ANKRD27: variants seen among roughly 807,000 people sequenced by gnomAD.
The protein encoded by ANKRD27 is ankyrin repeat domain 27, also known as ankyrin repeat domain-containing protein 27.
A neutral mutation model predicts 129.7 loss-of-function variants in ANKRD27; 112 were observed. The ratio of observed to expected loss-of-function variants is 0.86; its 90% CI spans 0.74 to 1.01. ANKRD27 has a LOEUF of 1.01. ANKRD27 is among the 50% of genes least tolerant of loss of function. ANKRD27 has a pLI of 0.00. For synonymous variants in ANKRD27, 516 were observed against 511.2 expected, an observed-to-expected ratio of 1.01 and a Z score of -0.13; for missense variants, 1,258 against 1,300.5, an observed-to-expected ratio of 0.97 and a Z score of 0.50.
At chr19:32,600,874 T>C (rs1219587588) in intron 26 of ANKRD27, among the ~76,000 whole-genome samples, 1 of 152,022 alleles carries the variant, frequency 6.6e-6, no homozygotes, top group African/African-American at 2.4e-5. Context: ...TTTCATATTG[T>C]AAATTAAAAA....
At chr19:32,653,859 G>A (rs1967469072) in intron 2 of ANKRD27, among the ~76,000 whole-genome samples, 1 of 152,196 alleles carries the variant, frequency 6.6e-6, no homozygotes, top group Non-Finnish European at 1.5e-5. Flanking sequence ...GCAGGGAGAA[G>A]CGTGGTGCGG....
intron 2 of ANKRD27, among the ~76,000 whole-genome samples, chr19:32,656,657 T>C (rs1967543242): frequency 6.6e-6 from 1 of 151,746 alleles, no homozygotes; most frequent in South Asian, 2.1e-4. Context: ...TGGTGGCACA[T>C]GCTTGTAGTC....
rs61741421 is a variant in ANKRD27 at position 32,644,351 on chromosome 19, C to G, written c.499G>C (p.Glu167Gln). The G allele has an allele frequency of 1.8e-3, 2,855 of 1,613,476 alleles. 39 individuals are homozygous for G. In the African/African-American group the frequency reaches 0.031, roughly 18 times the overall value. The change falls in exon 5 of 29, where the codon GAG becomes CAG. Residue 167 changes from glutamate (E) to glutamine (Q), a missense_variant. Transcript: ENST00000306065. ...ATGTGGTGACGGAGGCTCTTTCTCT[C>G]GCATTCTCGGAATGTTCGATGGAAA... ...ASFHRTFREC[E>Q]RKSLRHHIDS...
Position 32,665,010 on chromosome 19 carries a change from A to G in ANKRD27, c.-30-5965T>C, listed in dbSNP as rs1030518775. 7.9e-5 allele frequency among the ~76,000 whole-genome samples: 12 copies of G among 151,022 alleles called. 1 individual carries two copies. The highest frequency in any genetic ancestry group is 1.6e-4 in the Non-Finnish European group (11 of 67,920). On this transcript the variant is annotated intron_variant, in intron 1 of 28. Transcript: ENST00000306065. The stretch of plus-strand genomic sequence containing the variant: ...AAAATCTAGTGTTCATTTTACATTT[A>G]CAGCACTTCTCGATTCATACTAGCC...
At chr19:32,618,875 C>T (rs1971962951) in intron 20 of ANKRD27, among the ~76,000 whole-genome samples, 1 of 152,166 alleles carries the variant, frequency 6.6e-6, no homozygotes, top group Non-Finnish European at 1.5e-5. Flanking sequence ...TGCACCACTG[C>T]ACTCCAGCCT....
At chr19:32,605,757 C>A (rs746412640) in intron 24 of ANKRD27, 78 bp downstream of exon 24, 18 of 1,562,790 alleles carry the variant, frequency 1.2e-5, no homozygotes, top group Non-Finnish European at 1.3e-5. Flanking sequence ...ATCCCCAGTG[C>A]GCTGCGGGGG....
At chr19:32,654,583 C>A (rs1967483897) in intron 2 of ANKRD27, among the ~76,000 whole-genome samples, 1 of 152,216 alleles carries the variant, frequency 6.6e-6, no homozygotes, top group Non-Finnish European at 1.5e-5. Flanking sequence ...CATGGGCCAG[C>A]AAACCTGACC....
chr19:32,615,546 T>C (rs1971902810), intron 22 of ANKRD27, 112 bp downstream of exon 22: 2 of 1,566,918 alleles, frequency 1.3e-6, no homozygotes, highest in Non-Finnish European at 1.8e-6. Flanking sequence ...ACTGTACCAC[T>C]GCACTCCGGC....
rs1450215846 is a variant in ANKRD27, at chr19:32,642,155, A to C, written c.783-10T>G. 6.3e-7 allele frequency: 1 copy of C among 1,576,572 alleles called. No individual in the cohort carries two copies. On this transcript the variant is annotated splice_polypyrimidine_tract_variant and intron_variant, in intron 9 of 28. Transcript: ENST00000306065. ...ACGAGGTATGTTAAAGCTGTAAAATAATTTGGAAAGTGACAACTTCAGAGC... is the reference window on the plus strand; with the variant it reads ...ACGAGGTATGTTAAAGCTGTAAAATCATTTGGAAAGTGACAACTTCAGAGC...
At chr19:32,655,280 G>C (rs1281491590) in intron 2 of ANKRD27, 1 of 152,734 alleles carries the variant, frequency 6.5e-6, no homozygotes, top group Non-Finnish European at 1.5e-5. Context: ...GAGTAGCTGG[G>C]ACTACAGGCC....
chr19:32,619,231 C>T (rs1163607383), intron 20 of ANKRD27, 29 bp downstream of exon 20: 9 of 1,600,520 alleles, frequency 5.6e-6, no homozygotes, highest in Non-Finnish European at 7.7e-6. Flanking sequence ...AAGGCCTCCC[C>T]TCCCCAGCCC....
chr19:32,608,377 C>T, intron 22 of ANKRD27: 1 of 324,386 alleles, frequency 3.1e-6, no homozygotes, highest in South Asian at 2.5e-5. Context: ...GGCATGGCCA[C>T]AGCCCCGCAA....
chr19:32,604,144 C>T, intron 25 of ANKRD27, 119 bp downstream of exon 25: 3 of 1,218,654 alleles, frequency 2.5e-6, no homozygotes, highest in Non-Finnish European at 3.3e-6. Context: ...CCAACTACGC[C>T]CAGCCCGGCG....
At chr19:32,644,507 G>A (rs768350945) in intron 4 of ANKRD27, 28 bp from the exon 5 acceptor site, 52 of 1,606,382 alleles carry the variant, frequency 3.2e-5, no homozygotes, top group East Asian at 1.1e-4. Flanking sequence ...AGGTCAGGCC[G>A]GCTGAAGCCT....
intron 3 of ANKRD27, 124 bp from the exon 4 acceptor site, chr19:32,646,739 G>A (rs1486821201): frequency 1.1e-6 from 1 of 946,284 alleles, no homozygotes; most frequent in Non-Finnish European, 1.6e-6. Context: ...GTTTGCTGGG[G>A]CACAAATACT....
rs796582224 is a variant in ANKRD27, at chr19:32,614,949, G to C, written c.2175+709C>G. Among the ~76,000 whole-genome samples, 20 of 152,302 alleles carry C rather than the reference G, an allele frequency of 1.3e-4. 1 individual carries two copies. Among genetic ancestry groups the C allele is most frequent in the African/African-American group, 4.8e-4 (20 of 41,578 alleles). On this transcript the variant is annotated intron_variant, in intron 22 of 28. Transcript: ENST00000306065. ...CCTGGGGAAAGCTGGGAGAGGGTTT[G>C]GGGATTTCTCTGCACTTGGAGGGAG...
At chr19:32,600,078 A>G (rs1238044022) in intron 26 of ANKRD27, 28 bp from the exon 27 acceptor site, 1 of 1,454,420 alleles carries the variant, frequency 6.9e-7, no homozygotes, top group Non-Finnish European at 9.6e-7. Context: ...AACATCTAAA[A>G]ACTTCAAAAA....
chr19:32,625,824 G>A lies in ANKRD27; in HGVS notation c.1629+50C>T, dbSNP rs1296595991. 9.4e-6 allele frequency: 13 copies of A among 1,388,482 alleles called. 1 individual carries two copies. Among genetic ancestry groups the A allele is most frequent in the Middle Eastern group, 3.7e-4 (2 of 5,468 alleles). 86.0% of individuals were successfully genotyped at this position (1,388,482 alleles called of 1,614,324 possible). On this transcript the variant is annotated intron_variant, in intron 17 of 28. Coordinates refer to ENST00000306065, the MANE Select transcript of ANKRD27 (RefSeq NM_032139.3). ...TAATGAGAAATCCCGACTTCTCTACGAGTGGGAAAGGGTGAACGCAGCCCC... is the reference window on the plus strand; with the variant it reads ...TAATGAGAAATCCCGACTTCTCTACAAGTGGGAAAGGGTGAACGCAGCCCC...
intron 25 of ANKRD27, among the ~76,000 whole-genome samples, chr19:32,603,436 C>T (rs868300816): frequency 2.2e-4 from 34 of 152,240 alleles, no homozygotes; most frequent in African/African-American, 7.5e-4. Context: ...AAAGAGCTGC[C>T]GCTCGCCAGG....
Sources: gnomAD v4.1 joint callset for allele counts (sites outside exome capture counted in the v4.1 genomes callset) on GRCh38, gnomAD v4.1.1 for gene constraint, MANE v1.5 for transcripts, NCBI Gene and HGNC (gene_info 2026-07-23, HGNC 2026-07-21) for gene names.